Variants in ADAM32 observed in about 807,000 individuals in gnomAD.
The protein encoded by ADAM32 is ADAM metallopeptidase domain 32, also known as disintegrin and metalloproteinase domain-containing protein 32.
A neutral mutation model predicts 114.9 loss-of-function variants in ADAM32; 89 were observed. The observed-to-expected ratio is 0.77, with a 90% CI of 0.65 to 0.92. The LOEUF (loss-of-function observed/expected upper bound fraction) is 0.92. ADAM32 is among the 40% of genes least tolerant of loss of function. The pLI is 0.00. For synonymous variants in ADAM32, 285 were observed against 307.5 expected (o/e 0.93, Z 0.77); for missense variants, 870 against 932.8 (o/e 0.93, Z 0.88).
At chr8:39,136,347 C>T (rs1387340039) in intron 2 of ADAM32, among the ~76,000 whole-genome samples, 1 of 152,160 alleles carries the variant, frequency 6.6e-6, no homozygotes, top group East Asian at 1.9e-4. Flanking sequence ...ATGATGCCAC[C>T]TAAATAGGTA....
chr8:39,231,107 A>G (rs1049507926), intron 14 of ADAM32, among the ~76,000 whole-genome samples: 1 of 152,176 alleles, frequency 6.6e-6, no homozygotes, highest in Non-Finnish European at 1.5e-5. Flanking sequence ...AATTTTGAAG[A>G]TGTAGTTAAG....
chr8:39,112,699 C>T (rs867522453), intron 1 of ADAM32, among the ~76,000 whole-genome samples: 1 of 152,192 alleles, frequency 6.6e-6, no homozygotes. Flanking sequence ...ACTATCACCA[C>T]CCCCTTGCCC....
chr8:39,221,069 T>A (rs571753195), intron 12 of ADAM32: 1 of 152,030 alleles, frequency 6.6e-6, no homozygotes, highest in African/African-American at 2.4e-5. Flanking sequence ...TAATGTTTGC[T>A]TTATATATTT....
At chr8:39,210,028 C>G (rs752295833) in intron 11 of ADAM32, among the ~76,000 whole-genome samples, 6 of 152,208 alleles carry the variant, frequency 3.9e-5, no homozygotes, top group Non-Finnish European at 8.8e-5. Context: ...GATATTTATT[C>G]ATGGCCTAAA....
At chr8:39,232,170 T>C (rs374924443) in intron 15 of ADAM32, 35 bp downstream of exon 15, 14 of 1,514,568 alleles carry the variant, frequency 9.2e-6, no homozygotes, top group Non-Finnish European at 1.3e-5. Flanking sequence ...ACTTTTCTTA[T>C]ATTCTATTAG....
rs769729827 is a variant in ADAM32, at chr8:39,211,145, C to A, written c.1054C>A (p.Gln352Lys). The stretch of plus-strand genomic sequence containing the variant: ...GACATTATATGGATTCATCTTTAGG[C>A]AATCCAATGGTGTGAAGACTTTTAG... ...STCIMNPEVV[Q>K]SNGVKTFSSC... is the part of the protein sequence containing the mutation. Residue 352 changes from glutamine (Q) to lysine (K), a missense_variant and splice_region_variant, in exon 12 of 25, where the codon CAA becomes AAA. Physicochemically the swap from Gln to Lys is moderately conservative, Grantham distance 53. Coordinates refer to ENST00000379907, the MANE Select transcript of ADAM32 (RefSeq NM_145004.7). 2.6e-6 allele frequency: 4 copies of A among 1,556,108 alleles called. No individual in the cohort carries two copies. The highest frequency in any genetic ancestry group is 1.2e-5 in the South Asian group (1 of 80,024).
At chr8:39,111,720 C>CAAAA (rs11343568) in intron 1 of ADAM32, among the ~76,000 whole-genome samples, 20 of 78,298 alleles carry the variant, frequency 2.6e-4, no homozygotes, top group African/African-American at 9.4e-4. Context: ...GACTCTTTCT[C>CAAAA]AAAAAAAAAA....
At chr8:39,182,954 G>C (rs1217723556) in intron 10 of ADAM32, among the ~76,000 whole-genome samples, 1 of 152,118 alleles carries the variant, frequency 6.6e-6, no homozygotes, top group East Asian at 1.9e-4. Flanking sequence ...AGTTGGGCTT[G>C]GTTGCTTCCC....
At chr8:39,165,333 G>T in intron 9 of ADAM32, 137 bp downstream of exon 9, 1 of 642,952 alleles carries the variant, frequency 1.6e-6, no homozygotes. Context: ...CAGGCTTTAT[G>T]CTCAATTTCT....
At position 39,274,343 on chromosome 8, in the gene ADAM32, G is replaced by T. The variant is rs772015248; in HGVS notation, c.2233G>T (p.Ala745Ser). The T allele has an allele frequency of 1.9e-6, 3 of 1,613,176 alleles. No homozygotes were observed. Among genetic ancestry groups the T allele is most frequent in the Non-Finnish European group, 2.5e-6 (3 of 1,179,514 alleles). Residue 745 changes from alanine to serine, a missense_variant, in exon 21 of 25, where the codon GCC (alanine) becomes TCC (serine). By Grantham distance (99) the Ala-to-Ser change is moderately conservative. Coordinates refer to ENST00000379907, the MANE Select transcript of ADAM32 (RefSeq NM_145004.7). The part of the protein sequence containing the change: ...SSSEGSTQTY[A>S]SQTRSESSSQ... ...CTCAGAAGGCAGCACTCAGACATAT[G>T]CCAGCCAGTAAGTAGGTTAGAAGAG...
intron 2 of ADAM32, among the ~76,000 whole-genome samples, chr8:39,127,114 A>G (rs1410192310): frequency 6.6e-6 from 1 of 152,148 alleles, no homozygotes; most frequent in African/African-American, 2.4e-5. Context: ...CATCAGGGAT[A>G]TTGGCCTGAA....
At chr8:39,200,806 T>C (rs1251809677) in intron 11 of ADAM32, among the ~76,000 whole-genome samples, 2 of 152,174 alleles carry the variant, frequency 1.3e-5, no homozygotes, top group African/African-American at 4.8e-5. Context: ...TTGTATAAGG[T>C]GTAAGGAAGG....
intron 12 of ADAM32, among the ~76,000 whole-genome samples, chr8:39,213,452 C>T (rs554315935): frequency 1.3e-5 from 2 of 150,778 alleles, no homozygotes. Flanking sequence ...ATTTTAGATC[C>T]CTTAACCAAC....
chr8:39,278,290 A>T (rs970684072), intron 22 of ADAM32, among the ~76,000 whole-genome samples: 1 of 145,492 alleles, frequency 6.9e-6, no homozygotes, highest in African/African-American at 2.6e-5. Context: ...GGGGAGGGGC[A>T]GGGCCATGGG....
At chr8:39,215,160 G>T (rs959146067) in intron 12 of ADAM32, among the ~76,000 whole-genome samples, 1 of 151,710 alleles carries the variant, frequency 6.6e-6, no homozygotes, top group African/African-American at 2.4e-5. Context: ...AGCTATTCTG[G>T]GTCTTTTGTG....
chr8:39,225,952 A>C (rs77777283), intron 14 of ADAM32, among the ~76,000 whole-genome samples: 4,065 of 152,298 alleles, frequency 0.027, 206 homozygotes, highest in African/African-American at 0.092. Context: ...TCCCAGAGAA[A>C]TAAAGATCTT....
chr8:39,229,432 C>A (rs1031041411), intron 14 of ADAM32, among the ~76,000 whole-genome samples: 1 of 152,154 alleles, frequency 6.6e-6, no homozygotes, highest in Admixed American at 6.5e-5. Context: ...CATCAATCAA[C>A]TATTTGCTGC....
At chr8:39,197,480 C>G (rs972319008) in intron 11 of ADAM32, among the ~76,000 whole-genome samples, 1 of 151,688 alleles carries the variant, frequency 6.6e-6, no homozygotes. Context: ...CTTAGTACTT[C>G]TTTTGTGTAT....
chr8:39,191,965 G>A (rs1047937526), intron 11 of ADAM32, among the ~76,000 whole-genome samples: 2 of 152,060 alleles, frequency 1.3e-5, no homozygotes, highest in Admixed American at 6.6e-5. Flanking sequence ...AATGGTACCC[G>A]GTCTTCTTTG....
Sources: allele counts gnomAD v4.1 joint callset (sites outside exome capture counted in the v4.1 genomes callset), GRCh38; gene constraint gnomAD v4.1.1; transcripts MANE v1.5; gene names NCBI Gene and HGNC (gene_info 2026-07-23, HGNC 2026-07-21).